Variants in TEAD1 observed in about 807,000 individuals in gnomAD.
TEAD1 encodes the protein TEA domain transcription factor 1.
In TEAD1, 9 loss-of-function variants were observed where a neutral mutation model predicts 54.9. That is an observed-to-expected ratio of 0.16 (90% CI 0.10 to 0.29). The LOEUF is 0.29. Among genes scored for constraint, TEAD1 ranks in the 10% least tolerant of loss-of-function variants. TEAD1 has a pLI of 1.00. For synonymous variants in TEAD1, 200 were observed against 187.8 expected (o/e 1.07, Z -0.53); for missense variants, 387 against 535.9 (o/e 0.72, Z 2.74).
At chr11:12,713,165 A>T (rs1943980214) in intron 2 of TEAD1, among the ~76,000 whole-genome samples, 1 of 152,144 alleles carries the variant, frequency 6.6e-6, no homozygotes, top group Non-Finnish European at 1.5e-5. Context: ...GACTACAGGC[A>T]TGTGCAACCA....
chr11:12,850,372 G>C (rs1947249812), intron 3 of TEAD1, among the ~76,000 whole-genome samples: 1 of 152,154 alleles, frequency 6.6e-6, no homozygotes, highest in Admixed American at 6.5e-5. Flanking sequence ...GGAGGCGGAG[G>C]CTGCAGTGAG....
chr11:12,826,901 A>T (rs1016435517), intron 3 of TEAD1, among the ~76,000 whole-genome samples: 5 of 152,230 alleles, frequency 3.3e-5, no homozygotes, highest in Admixed American at 3.3e-4. Context: ...TAATTGAAAG[A>T]TTGGCAGCAA....
At chr11:12,921,350 A>G (rs1018956916) in intron 10 of TEAD1, 2 of 152,096 alleles carry the variant, frequency 1.3e-5, no homozygotes, top group East Asian at 1.9e-4. Context: ...CAGCCTGACC[A>G]ACGTGGAGAA....
chr11:12,911,432 A>G (rs6486070), intron 10 of TEAD1, among the ~76,000 whole-genome samples: 42,263 of 152,052 alleles, frequency 0.28, 7,691 homozygotes, highest in East Asian at 0.63. Context: ...GGAGTTAACA[A>G]TACGAAATCG....
At chr11:12,783,450 G>T (rs906925478) in intron 3 of TEAD1, among the ~76,000 whole-genome samples, 1 of 152,134 alleles carries the variant, frequency 6.6e-6, no homozygotes, top group African/African-American at 2.4e-5. Flanking sequence ...TGCCAATAGG[G>T]AGGAAGGTTC....
At chr11:12,696,592 G>A (rs887634726) in intron 2 of TEAD1, among the ~76,000 whole-genome samples, 2 of 152,118 alleles carry the variant, frequency 1.3e-5, no homozygotes, top group African/African-American at 4.8e-5. Context: ...CTGATTCAGG[G>A]GTCTTCAGAT....
chr11:12,891,784 T>TG (rs1189207322), intron 9 of TEAD1, among the ~76,000 whole-genome samples: 1 of 152,196 alleles, frequency 6.6e-6, no homozygotes, highest in Non-Finnish European at 1.5e-5. Flanking sequence ...CCCCACTATC[T>TG]GGGAAAATGG....
chr11:12,772,605 C>T (rs975524649), intron 3 of TEAD1, among the ~76,000 whole-genome samples: 4 of 152,138 alleles, frequency 2.6e-5, no homozygotes, highest in Non-Finnish European at 5.9e-5. Context: ...GAGAGTATTA[C>T]TTTCTTTTTT....
intron 2 of TEAD1, among the ~76,000 whole-genome samples, chr11:12,734,039 C>T (rs1944476073): frequency 6.6e-6 from 1 of 152,176 alleles, no homozygotes; most frequent in Non-Finnish European, 1.5e-5. Context: ...CCTGCTTCAG[C>T]CTCCCAAGTA....
chr11:12,728,306 T>C (rs141791243), intron 2 of TEAD1, among the ~76,000 whole-genome samples: 134 of 152,216 alleles, frequency 8.8e-4, no homozygotes, highest in African/African-American at 2.8e-3. Flanking sequence ...ATCCTGCCAG[T>C]CCCCAGGGGT....
chr11:12,904,236 C>G (rs921479978), intron 10 of TEAD1, among the ~76,000 whole-genome samples: 1 of 150,404 alleles, frequency 6.6e-6, no homozygotes, highest in African/African-American at 2.5e-5. Context: ...TTATTACAAC[C>G]TAGAGTACAC....
chr11:12,718,933 C>T (rs1944121154), intron 2 of TEAD1, among the ~76,000 whole-genome samples: 1 of 151,676 alleles, frequency 6.6e-6, no homozygotes, highest in African/African-American at 2.4e-5. Context: ...TTATGTATAT[C>T]ATCATAATTG....
At chr11:12,916,934 G>A (rs748792182) in intron 10 of TEAD1, among the ~76,000 whole-genome samples, 4 of 152,120 alleles carry the variant, frequency 2.6e-5, no homozygotes, top group South Asian at 2.1e-4. Flanking sequence ...AGTGTTCTTC[G>A]GTCTGTGGTA....
intron 2 of TEAD1, among the ~76,000 whole-genome samples, chr11:12,682,025 G>T (rs1420020361): frequency 6.6e-6 from 1 of 152,188 alleles, no homozygotes; most frequent in Non-Finnish European, 1.5e-5. Context: ...AGGCTTAGGT[G>T]CGTTGTGGTA....
At chr11:12,721,453 C>G (rs868596856) in intron 2 of TEAD1, among the ~76,000 whole-genome samples, 63 of 152,316 alleles carry the variant, frequency 4.1e-4, no homozygotes, top group Admixed American at 1.4e-3. Flanking sequence ...GCACACACCC[C>G]TATCCCCAGC....
At chr11:12,912,101 C>T (rs193094606) in intron 10 of TEAD1, among the ~76,000 whole-genome samples, 77 of 152,072 alleles carry the variant, frequency 5.1e-4, no homozygotes, top group African/African-American at 1.4e-3. Flanking sequence ...GCAAGCAATT[C>T]GTAGGAGGAA....
At chr11:12,858,134 T>C (rs564818882) in intron 3 of TEAD1, among the ~76,000 whole-genome samples, 2 of 152,230 alleles carry the variant, frequency 1.3e-5, no homozygotes, top group Admixed American at 6.5e-5. Flanking sequence ...GAGATAGGAC[T>C]TAGGATGTCG....
At chr11:12,915,305 C>T (rs913391484) in intron 10 of TEAD1, among the ~76,000 whole-genome samples, 2 of 152,204 alleles carry the variant, frequency 1.3e-5, no homozygotes, top group African/African-American at 4.8e-5. Flanking sequence ...CCATTCTTCA[C>T]TGGGCAGGAG....
rs747482379 is a variant in TEAD1, at chr11:12,937,260, C to A, written c.*38C>A. The A allele has an allele frequency of 7.3e-6, 10 of 1,360,544 alleles. No individual in the cohort carries two copies. The highest frequency in any genetic ancestry group is 1.0e-5 in the Non-Finnish European group (10 of 955,014). 84.3% of individuals were successfully genotyped at this position (1,360,544 alleles called of 1,614,324 possible). ...ATATATATAGATATCTGTATATACA[C>A]ACACACATATGTGCACACACACACT... is the stretch of plus-strand genomic sequence containing the variant. On this transcript the variant is annotated 3_prime_UTR_variant, in exon 13 of 13. Transcript: ENST00000527636.
Sources: allele counts gnomAD v4.1 joint callset (sites outside exome capture counted in the v4.1 genomes callset), GRCh38; gene constraint gnomAD v4.1.1; transcripts MANE v1.5; gene names NCBI Gene and HGNC (gene_info 2026-07-23, HGNC 2026-07-21).